PCDHGA4: variants seen among roughly 807,000 people sequenced by gnomAD.
PCDHGA4 encodes protocadherin gamma-A4.
In PCDHGA4, 38 loss-of-function variants were observed where a neutral mutation model predicts 54.6. The ratio of observed to expected loss-of-function variants is 0.70; its 90% confidence interval spans 0.54 to 0.91. PCDHGA4 has a LOEUF of 0.91. PCDHGA4 is among the 40% of genes least tolerant of loss of function. The pLI, the probability that PCDHGA4 is intolerant of heterozygous loss-of-function variation, is 0.00. For synonymous variants in PCDHGA4, 511 were observed against 512.9 expected (o/e 1.00, Z 0.05); for missense variants, 1,298 against 1,220.9 (o/e 1.06, Z -0.94).
rs768812729 is a variant in PCDHGA4, at chr5:141,491,543, A to T, written c.2515-3264A>T. 2.5e-6 allele frequency: 4 copies of T among 1,613,842 alleles called. No individual in the cohort carries two copies. The highest frequency in any genetic ancestry group is 3.4e-6 in the Non-Finnish European group (4 of 1,179,982). The stretch of plus-strand genomic sequence containing the variant: ...ATGGAGGTGACGCTGCGGCCCACAG[A>T]CTCGCAGAGCCACTGCTACAGGACG... On this transcript the variant is annotated intron_variant, in intron 1 of 3. Transcript: ENST00000571252. This position sits in a 1 kb window ranked among gnomAD's most constrained non-coding sequence, Gnocchi z 6.9.
At chr5:141,365,421 C>T in intron 1 of PCDHGA4, 1 of 1,614,014 alleles carries the variant, frequency 6.2e-7, no homozygotes, top group East Asian at 2.2e-5. Flanking sequence ...CTTCCCGGAA[C>T]TGTAATCGCG....
chr5:141,433,122 G>C (rs1442464320), intron 1 of PCDHGA4: 1 of 1,614,134 alleles, frequency 6.2e-7, no homozygotes, highest in Admixed American at 1.7e-5. Flanking sequence ...TTTGAAAAAA[G>C]CGAGCCCCTT....
Position 141,476,480 on chromosome 5 carries a change from G to A in PCDHGA4, c.2515-18327G>A, listed in dbSNP as rs761828753. 1 of 1,614,108 alleles carries A rather than the reference G, an allele frequency of 6.2e-7. No individual in the cohort carries two copies. The highest frequency in any genetic ancestry group is 2.2e-5 in the East Asian group (1 of 44,846). On this transcript the variant is annotated intron_variant, in intron 1 of 3. Transcript: ENST00000571252. This position sits in a 1 kb window ranked among gnomAD's most constrained non-coding sequence, Gnocchi z 7.6. ...GAACCCGCTGGAGCTGTTCAGCGTG[G>A]AAGTGGTGATCCAGGACATCAACGA...
At chr5:141,415,450 C>A (rs774745130) in intron 1 of PCDHGA4, 44 of 1,614,086 alleles carry the variant, frequency 2.7e-5, no homozygotes, top group Non-Finnish European at 3.4e-5. Context: ...GACCTATTCC[C>A]ACGAGGTCTC....
chr5:141,453,099 C>CT (rs568622146), intron 1 of PCDHGA4, among the ~76,000 whole-genome samples: 1 of 151,962 alleles, frequency 6.6e-6, no homozygotes, highest in East Asian at 1.9e-4. Flanking sequence ...TTTTCTGTTG[C>CT]TTTTTTGTTT....
At chr5:141,405,472 T>G in intron 1 of PCDHGA4, 1 of 1,056,196 alleles carries the variant, frequency 9.5e-7, no homozygotes, top group Non-Finnish European at 1.4e-6. Context: ...CAGGCTGGAA[T>G]GCAGTGGTGT....
At position 141,477,386 on chromosome 5, in the gene PCDHGA4, A is replaced by C; in HGVS notation, c.2515-17421A>C. 1 of 1,614,116 alleles carries C rather than the reference A, an allele frequency of 6.2e-7. No homozygotes were observed. Among genetic ancestry groups the C allele is most frequent in the South Asian group, 1.1e-5 (1 of 91,080 alleles). On this transcript the variant is annotated intron_variant, in intron 1 of 3. Coordinates refer to ENST00000571252, the MANE Select transcript of PCDHGA4 (RefSeq NM_018917.4). The surrounding 1 kb of genome is among the most constrained non-coding windows in gnomAD (Gnocchi z 4.9). ...GGATCGGGAGACTGTGCCAGAATAC[A>C]ACCTCAGCATCACCGCCCGAGACGC...
chr5:141,477,737 G>T lies in PCDHGA4; in HGVS notation c.2515-17070G>T, dbSNP rs1178108717. 1.2e-6 allele frequency: 2 copies of T among 1,613,846 alleles called. No homozygotes were observed. Among genetic ancestry groups the T allele is most frequent in the South Asian group, 1.1e-5 (1 of 91,088 alleles). ...ATTTGAATTAACAGCTCATATCAGC[G>T]ATGGGGGCACCCCGGTCCTAGCCAC... On this transcript the variant is annotated intron_variant, in intron 1 of 3. Coordinates refer to ENST00000571252, the MANE Select transcript of PCDHGA4 (RefSeq NM_018917.4). This position sits in a 1 kb window ranked among gnomAD's most constrained non-coding sequence, Gnocchi z 4.9.
chr5:141,381,851 C>G (rs1252869923), intron 1 of PCDHGA4, among the ~76,000 whole-genome samples: 3 of 33,340 alleles, frequency 9.0e-5, no homozygotes, highest in Non-Finnish European at 1.6e-4. Context: ...TTTTTTTTGG[C>G]AGAGTTTTGC....
intron 1 of PCDHGA4, chr5:141,375,627 A>T (rs1561569034): frequency 6.2e-7 from 1 of 1,614,066 alleles, no homozygotes; most frequent in Non-Finnish European, 8.5e-7. Flanking sequence ...GGGATTCTGT[A>T]CGCCCTGCGC....
In PCDHGA4 at chr5:141,451,935, A is replaced by G. The variant is rs148815534; in HGVS notation, c.2515-42872A>G. Among the ~76,000 whole-genome samples, 120 of 152,282 alleles carry G rather than the reference A, an allele frequency of 7.9e-4. 5 individuals carry two copies. The East Asian group carries it at 0.017, about 21-fold the overall frequency. ...GAGGAAGGAAGGGAGGTAGGGAGGC[A>G]GGGAAAGACCGAGAAAGTGACATAC... On this transcript the variant is annotated intron_variant, in intron 1 of 3. Coordinates refer to ENST00000571252, the MANE Select transcript of PCDHGA4 (RefSeq NM_018917.4).
chr5:141,490,882 A>G lies in PCDHGA4; in HGVS notation c.2515-3925A>G, dbSNP rs758716907. ...CGGCTCTCCCCCATTGCATGCCAAC[A>G]CATCTCTGCATGTGTTTGTCCTAGA... On this transcript the variant is annotated intron_variant, in intron 1 of 3. Coordinates refer to ENST00000571252, the MANE Select transcript of PCDHGA4 (RefSeq NM_018917.4). This position sits in a 1 kb window ranked among gnomAD's most constrained non-coding sequence, Gnocchi z 5.4. 6.2e-7 allele frequency: 1 copy of G among 1,613,848 alleles called. No individual in the cohort carries two copies. Among genetic ancestry groups the G allele is most frequent in the Non-Finnish European group, 8.5e-7 (1 of 1,179,920 alleles).
At position 141,355,778 on chromosome 5, in the gene PCDHGA4, A is replaced by T. The variant is rs1221336754; in HGVS notation, c.671A>T (p.Glu224Val). ...QSGADGIKYP[E>V]LVLERALDRE... Reference sequence around the variant, plus strand: ...GGGGCCGATGGGATTAAGTACCCAGAGCTGGTGCTGGAACGCGCTCTAGAT... The same window carrying T: ...GGGGCCGATGGGATTAAGTACCCAGTGCTGGTGCTGGAACGCGCTCTAGAT... Residue 224 changes from glutamate (E) to valine (V), a missense_variant, in exon 1 of 4, where the codon GAG becomes GTG. Glu to Val is a moderately radical substitution (Grantham distance 121). Transcript: ENST00000571252. 5 of 1,613,808 alleles carry T rather than the reference A, an allele frequency of 3.1e-6. No individual in the cohort carries two copies. Among genetic ancestry groups the T allele is most frequent in the Admixed American group, 3.3e-5 (2 of 60,004 alleles).
chr5:141,498,625 T>C (rs1327552423), intron 2 of PCDHGA4, among the ~76,000 whole-genome samples: 1 of 152,176 alleles, frequency 6.6e-6, no homozygotes, highest in Non-Finnish European at 1.5e-5. Context: ...TGGGTCACAC[T>C]GCCTAGACAG....
At chr5:141,364,574 G>C (rs184408500) in intron 1 of PCDHGA4, 12 of 1,614,166 alleles carry the variant, frequency 7.4e-6, no homozygotes, top group Non-Finnish European at 1.0e-5. Context: ...CCCGCGAAGC[G>C]GCAGCTTGGT....
intron 1 of PCDHGA4, chr5:141,398,327 G>C (rs1348307728): frequency 7.4e-7 from 1 of 1,353,452 alleles, no homozygotes; most frequent in Non-Finnish European, 1.0e-6. Flanking sequence ...CGAAAACTGC[G>C]CGTCAGTTCG....
intron 2 of PCDHGA4, among the ~76,000 whole-genome samples, chr5:141,497,671 C>T (rs1026356633): frequency 6.6e-5 from 10 of 151,878 alleles, no homozygotes; most frequent in African/African-American, 2.4e-4. Flanking sequence ...TCCCGAGTAG[C>T]TGGGACAGCA....
chr5:141,389,443 A>G (rs2091769935), intron 1 of PCDHGA4: 1 of 1,610,442 alleles, frequency 6.2e-7, no homozygotes, highest in Non-Finnish European at 8.5e-7. Context: ...GCCTTCGACC[A>G]CGAGCAGCTG....
intron 1 of PCDHGA4, chr5:141,424,569 C>A (rs1436039976): frequency 6.6e-6 from 1 of 151,996 alleles, no homozygotes; most frequent in African/African-American, 2.4e-5. Flanking sequence ...TCTCAAAAAC[C>A]TATTTTCAAA....
Sources: allele counts gnomAD v4.1 joint callset (sites outside exome capture counted in the v4.1 genomes callset), GRCh38; gene constraint gnomAD v4.1.1; non-coding constraint Gnocchi (gnomAD v3.1); transcripts MANE v1.5; gene names NCBI Gene and HGNC (gene_info 2026-07-23, HGNC 2026-07-21).